The following CCDC3 variants were observed in gnomAD, a reference collection of about 807,000 sequenced individuals.
The protein encoded by CCDC3 is coiled-coil domain containing 3, also known as coiled-coil domain-containing protein 3.
Under a neutral mutation model 21.4 loss-of-function variants are expected in CCDC3, and 24 were observed. That is an observed-to-expected ratio of 1.12 (90% confidence interval 0.81 to 1.58). The LOEUF (loss-of-function observed/expected upper bound fraction) is 1.58. Ranked by LOEUF, CCDC3 falls within the 40% of genes most tolerant of loss-of-function variation. The pLI is 0.00. For missense variants in CCDC3, 425 were observed against 360.9 expected (o/e 1.18, Z -1.44); for synonymous variants, 186 against 166.0 (o/e 1.12, Z -0.93).
chr10:13,092,779 G>A (rs1832587245), intron 3 of CCDC3, among the ~76,000 whole-genome samples: 1 of 152,218 alleles, frequency 6.6e-6, no homozygotes, highest in African/African-American at 2.4e-5. Flanking sequence ...CAGCTGTGCA[G>A]ATCTGATGAG....
intron 2 of CCDC3, among the ~76,000 whole-genome samples, chr10:12,931,078 G>GTCCAGCTA (rs1200376470): frequency 1.3e-5 from 2 of 151,940 alleles, no homozygotes; most frequent in Admixed American, 1.3e-4. Flanking sequence ...GGACATGGTG[G>GTCCAGCTA]CCTGCGGCTG....
At position 13,001,181 on chromosome 10, in the gene CCDC3, G is replaced by A; in HGVS notation, c.374+16C>T. On this transcript the variant is annotated intron_variant, in intron 1 of 2. Transcript: ENST00000378825. ...GCAGAGAGAGAGAGAGGTGGCGGCGGCGCCGCCGGGCTCACCTGAGGAAGA... is the reference window on the plus strand; with the variant it reads ...GCAGAGAGAGAGAGAGGTGGCGGCGACGCCGCCGGGCTCACCTGAGGAAGA... 6.5e-7 allele frequency: 1 copy of A among 1,544,416 alleles called. No individual in the cohort carries two copies. Among genetic ancestry groups the A allele is most frequent in the Non-Finnish European group, 8.7e-7 (1 of 1,143,726 alleles).
At chr10:12,962,268 G>A (rs1835190488) in intron 2 of CCDC3, among the ~76,000 whole-genome samples, 1 of 152,180 alleles carries the variant, frequency 6.6e-6, no homozygotes, top group African/African-American at 2.4e-5. Context: ...AAATCTCAAG[G>A]TTGCAAGAAT....
chr10:12,939,435 C>T (rs1278159201), intron 2 of CCDC3, among the ~76,000 whole-genome samples: 1 of 152,154 alleles, frequency 6.6e-6, no homozygotes, highest in Admixed American at 6.5e-5. Flanking sequence ...CCATCCTGGG[C>T]AACATGGTAC....
chr10:13,013,566 A>G (rs908648344), intron 5 of CCDC3, among the ~76,000 whole-genome samples: 1 of 152,234 alleles, frequency 6.6e-6, no homozygotes, highest in African/African-American at 2.4e-5. Flanking sequence ...CAAAGAGAAA[A>G]AGAACATTAC....
At chr10:12,901,034 C>A (rs1254733404) in intron 2 of CCDC3, among the ~76,000 whole-genome samples, 1 of 152,166 alleles carries the variant, frequency 6.6e-6, no homozygotes, top group Admixed American at 6.5e-5. Flanking sequence ...TTTGGAGCAC[C>A]TGTATCCAAG....
At chr10:12,965,123 TG>T (rs1395646862) in intron 2 of CCDC3, among the ~76,000 whole-genome samples, 1 of 152,196 alleles carries the variant, frequency 6.6e-6, no homozygotes, top group Non-Finnish European at 1.5e-5. Flanking sequence ...TCACTTATTC[TG>T]AGGGTCTATT....
chr10:13,029,344 T>A (rs1836267757), intron 5 of CCDC3, among the ~76,000 whole-genome samples: 1 of 152,010 alleles, frequency 6.6e-6, no homozygotes. Flanking sequence ...GTCACCATGA[T>A]CAAAGACCAA....
In CCDC3 at chr10:12,968,706, C is replaced by T. The variant is rs115053925; in HGVS notation, c.549+29632G>A. On this transcript the variant is annotated intron_variant, in intron 2 of 2. Transcript: ENST00000378825. Reference sequence around the variant, plus strand: ...GGGATATACAAGATGTAAACTGTGACATCAAAAACACAAAATGGGGAGGTG... The same window carrying T: ...GGGATATACAAGATGTAAACTGTGATATCAAAAACACAAAATGGGGAGGTG... Among the ~76,000 whole-genome samples, 787 of 152,162 alleles carry T rather than the reference C, an allele frequency of 5.2e-3. 8 individuals carry two copies. The highest frequency in any genetic ancestry group is 0.018 in the African/African-American group (743 of 41,524).
At chr10:12,928,651 G>A (rs1001970035) in intron 2 of CCDC3, among the ~76,000 whole-genome samples, 1 of 152,164 alleles carries the variant, frequency 6.6e-6, no homozygotes, top group Non-Finnish European at 1.5e-5. Context: ...AATCATCCAA[G>A]TCAACCGACC....
At chr10:13,089,794 C>T (rs982838210) in intron 3 of CCDC3, among the ~76,000 whole-genome samples, 8 of 151,806 alleles carry the variant, frequency 5.3e-5, no homozygotes, top group African/African-American at 1.9e-4. Context: ...GAGCAGTGGA[C>T]ACTGCACCCA....
intron 2 of CCDC3, among the ~76,000 whole-genome samples, chr10:12,927,735 C>T (rs534183822): frequency 2.6e-4 from 40 of 152,270 alleles, no homozygotes; most frequent in East Asian, 1.2e-3. Flanking sequence ...TCTCATTTCC[C>T]GACAAATACA....
At chr10:12,983,976 A>G (rs1835546549) in intron 2 of CCDC3, among the ~76,000 whole-genome samples, 1 of 152,186 alleles carries the variant, frequency 6.6e-6, no homozygotes. Context: ...GCTACTTGGG[A>G]GACTGAGGTG....
intron 5 of CCDC3, among the ~76,000 whole-genome samples, chr10:13,041,514 T>A (rs1836455120): frequency 4.7e-5 from 3 of 63,652 alleles, no homozygotes; most frequent in South Asian, 1.2e-3. Context: ...ATTTTTTTTT[T>A]TTTTTTTTTT....
At chr10:12,946,600 C>G (rs931333748) in intron 2 of CCDC3, among the ~76,000 whole-genome samples, 1 of 152,208 alleles carries the variant, frequency 6.6e-6, no homozygotes, top group Non-Finnish European at 1.5e-5. Flanking sequence ...AAGCAGAGCT[C>G]TCTGAACCTA....
chr10:13,044,952 C>T lies in CCDC3; in HGVS notation c.-2+4722G>A, dbSNP rs115680655. Among the ~76,000 whole-genome samples the T allele has an allele frequency of 8.5e-3, 1,301 of 152,274 alleles. 16 individuals are homozygous for T. The highest frequency in any genetic ancestry group is 0.024 in the African/African-American group (991 of 41,544). Reference sequence around the variant, plus strand: ...AAGTTTTTCCATTTGTTTGTGTCATCTATGATTTAAAAGGAAAGCTCTTAC... The same window carrying T: ...AAGTTTTTCCATTTGTTTGTGTCATTTATGATTTAAAAGGAAAGCTCTTAC... On this transcript the variant is annotated intron_variant, in intron 5 of 6. Coordinates refer to the CCDC3 transcript ENST00000378839.
chr10:12,952,596 C>T lies in CCDC3; in HGVS notation c.549+45742G>A, dbSNP rs1835023181. Among the ~76,000 whole-genome samples the T allele has an allele frequency of 2.0e-5, 3 of 152,182 alleles. No individual in the cohort carries two copies. In the South Asian group the frequency reaches 6.2e-4, roughly 32 times the overall value. On this transcript the variant is annotated intron_variant, in intron 2 of 2. Transcript: ENST00000378825. ...TCCAGTGGCAACTTCCTCCTCCTTG[C>T]CCCATTTTGAACTTCATCCTTTGGC...
chr10:12,930,355 T>C (rs1166403958), intron 2 of CCDC3, among the ~76,000 whole-genome samples: 1 of 152,186 alleles, frequency 6.6e-6, no homozygotes, highest in African/African-American at 2.4e-5. Flanking sequence ...AGATATTATT[T>C]TGAGGGAAAG....
chr10:13,011,470 C>A lies in CCDC3; in HGVS notation c.-1-12958G>T, dbSNP rs7083804. Among the ~76,000 whole-genome samples, 858 of 152,214 alleles carry A rather than the reference C, an allele frequency of 5.6e-3. 4 individuals are homozygous for A. Among genetic ancestry groups the A allele is most frequent in the African/African-American group, 0.019 (807 of 41,548 alleles). Reference sequence around the variant, plus strand: ...AAAAAGAATACAATACCTAGGAATACAGCTAACCAGGGAGGTGAAAGATCT... The same window carrying A: ...AAAAAGAATACAATACCTAGGAATAAAGCTAACCAGGGAGGTGAAAGATCT... On this transcript the variant is annotated intron_variant, in intron 5 of 6. Transcript: ENST00000378839.
Sources: allele counts gnomAD v4.1 joint callset (sites outside exome capture counted in the v4.1 genomes callset), GRCh38; gene constraint gnomAD v4.1.1; transcripts MANE v1.5; gene names NCBI Gene and HGNC (gene_info 2026-07-23, HGNC 2026-07-21).